Variants in HS2ST1 observed in about 807,000 individuals in gnomAD.
HS2ST1 encodes the protein heparan sulfate 2-O-sulfotransferase 1, also known as 2-O-sulfotransferase.
Under a neutral mutation model 42.9 loss-of-function variants are expected in HS2ST1, and 18 were observed. The observed-to-expected ratio is 0.42, with a 90% CI of 0.29 to 0.62. The LOEUF (loss-of-function observed/expected upper bound fraction) is 0.62. HS2ST1 is among the 20% of genes least tolerant of loss of function. HS2ST1 has a pLI of 0.21. For missense variants in HS2ST1, 334 were observed against 433.8 expected (o/e 0.77, Z 2.04); for synonymous variants, 146 against 152.9 (o/e 0.95, Z 0.33).
chr1:87,021,164 A>G (rs1160473580), intron 1 of HS2ST1, among the ~76,000 whole-genome samples: 1 of 152,164 alleles, frequency 6.6e-6, no homozygotes, highest in Non-Finnish European at 1.5e-5. Flanking sequence ...AAAAAAAATT[A>G]CCAGCAGGCC....
chr1:87,041,241 CA>C (rs1280615839), intron 1 of HS2ST1, among the ~76,000 whole-genome samples: 1 of 19,494 alleles, frequency 5.1e-5, no homozygotes, highest in African/African-American at 1.3e-4. Context: ...AAAAAAAAAA[CA>C]AAAAAAAAAA....
chr1:86,973,976 A>T (rs904602047), intron 1 of HS2ST1, among the ~76,000 whole-genome samples: 1 of 152,180 alleles, frequency 6.6e-6, no homozygotes, highest in Non-Finnish European at 1.5e-5. Context: ...TCCTACCCCC[A>T]GTTCCTGACA....
chr1:86,919,487 T>C (rs1217858969), intron 1 of HS2ST1, among the ~76,000 whole-genome samples: 1 of 152,258 alleles, frequency 6.6e-6, no homozygotes, highest in Non-Finnish European at 1.5e-5. Context: ...AGATTTATCA[T>C]GATTTTCTCA....
chr1:86,977,775 A>G (rs963500482), intron 1 of HS2ST1, among the ~76,000 whole-genome samples: 46 of 152,362 alleles, frequency 3.0e-4, no homozygotes, highest in African/African-American at 1.1e-3. Flanking sequence ...AGAAATGAGT[A>G]CATTAGCTGA....
intron 5 of HS2ST1, among the ~76,000 whole-genome samples, chr1:87,098,970 GT>G (rs574115996): frequency 6.6e-6 from 1 of 152,188 alleles, no homozygotes; most frequent in South Asian, 2.1e-4. Context: ...TAGAGATGGG[GT>G]TTCACCATGT....
intron 1 of HS2ST1, among the ~76,000 whole-genome samples, chr1:87,038,422 A>T (rs1244051916): frequency 1.3e-5 from 2 of 152,172 alleles, no homozygotes; most frequent in Non-Finnish European, 2.9e-5. Context: ...CAACAAGTAC[A>T]TTTAGGGTAC....
intron 4 of HS2ST1, among the ~76,000 whole-genome samples, chr1:87,093,254 T>C (rs1004125474): frequency 6.6e-6 from 1 of 152,124 alleles, no homozygotes; most frequent in Non-Finnish European, 1.5e-5. Flanking sequence ...GAGACACAAC[T>C]GGACACGATC....
In HS2ST1 at chr1:87,101,860, G is replaced by T. The variant is rs2100657146; in HGVS notation, c.687-1572G>T. Among the ~76,000 whole-genome samples, 5 of 152,216 alleles carry T rather than the reference G, an allele frequency of 3.3e-5. No individual in the cohort carries two copies. In the Middle Eastern group the frequency reaches 0.017, roughly 518 times the overall value. On this transcript the variant is annotated intron_variant, in intron 5 of 6. Coordinates refer to ENST00000370550, the MANE Select transcript of HS2ST1 (RefSeq NM_012262.4). ...TTACTGTGAAGGAATACCTGAGATG[G>T]TAATTTATAATGAAAAAAGGTTTAC...
At chr1:87,086,403 G>A (rs1456307842) in intron 3 of HS2ST1, among the ~76,000 whole-genome samples, 4 of 152,006 alleles carry the variant, frequency 2.6e-5, no homozygotes, top group Non-Finnish European at 5.9e-5. Flanking sequence ...GTTGTTCAAG[G>A]GTCAATTGTG....
intron 1 of HS2ST1, among the ~76,000 whole-genome samples, chr1:87,022,143 C>T (rs1171203881): frequency 6.6e-6 from 1 of 151,954 alleles, no homozygotes; most frequent in Non-Finnish European, 1.5e-5. Context: ...AAAAAACAGT[C>T]GGCTGGTATT....
chr1:86,996,442 CAAAAAAA>C (rs67401349), intron 1 of HS2ST1, among the ~76,000 whole-genome samples: 3 of 112,904 alleles, frequency 2.7e-5, no homozygotes, highest in Non-Finnish European at 3.6e-5. Flanking sequence ...AACTCTGTCT[CAAAAAAA>C]AAAAAAAAAA....
chr1:87,094,808 GT>G (rs1291249263), intron 4 of HS2ST1, among the ~76,000 whole-genome samples: 1 of 151,796 alleles, frequency 6.6e-6, no homozygotes, highest in Admixed American at 6.6e-5. Flanking sequence ...CTGGGGTTTT[GT>G]TTTTTTATTT....
At chr1:86,972,814 T>A (rs114409814) in intron 1 of HS2ST1, among the ~76,000 whole-genome samples, 43 of 152,360 alleles carry the variant, frequency 2.8e-4, no homozygotes, top group African/African-American at 1.0e-3. Flanking sequence ...CGTGTTTTTC[T>A]TCTAATGCCT....
intron 1 of HS2ST1, among the ~76,000 whole-genome samples, chr1:87,068,023 T>C (rs963743184): frequency 1.6e-4 from 24 of 152,194 alleles, no homozygotes; most frequent in Non-Finnish European, 3.2e-4. Context: ...TTGTTCTTTT[T>C]GTTTAGGATT....
chr1:86,991,103 T>C (rs1648939272), intron 1 of HS2ST1, among the ~76,000 whole-genome samples: 1 of 151,748 alleles, frequency 6.6e-6, no homozygotes, highest in East Asian at 1.9e-4. Context: ...CCACAGTCTC[T>C]GGTTGTTGTG....
At chr1:87,047,637 C>T (rs914864205) in intron 1 of HS2ST1, among the ~76,000 whole-genome samples, 11 of 152,106 alleles carry the variant, frequency 7.2e-5, no homozygotes, top group Non-Finnish European at 4.4e-5. Flanking sequence ...AATGGCTATC[C>T]AGTTGTTCCC....
At chr1:87,020,182 A>G (rs1649899115) in intron 1 of HS2ST1, among the ~76,000 whole-genome samples, 1 of 152,196 alleles carries the variant, frequency 6.6e-6, no homozygotes, top group Admixed American at 6.5e-5. Context: ...AAACCCCTTT[A>G]TCACAAGGAA....
At chr1:87,029,777 A>G (rs1390289285) in intron 1 of HS2ST1, among the ~76,000 whole-genome samples, 1 of 152,196 alleles carries the variant, frequency 6.6e-6, no homozygotes, top group African/African-American at 2.4e-5. Context: ...GGTAGGGAAA[A>G]TGACTAGAAA....
At chr1:87,046,352 A>G in intron 1 of HS2ST1, 1 of 752,892 alleles carries the variant, frequency 1.3e-6, no homozygotes, top group East Asian at 2.6e-5. Flanking sequence ...TCTTTTGGGC[A>G]AAGTACTTAA....
Sources: gnomAD v4.1 joint callset for allele counts (sites outside exome capture counted in the v4.1 genomes callset) on GRCh38, gnomAD v4.1.1 for gene constraint, MANE v1.5 for transcripts, NCBI Gene and HGNC (gene_info 2026-07-23, HGNC 2026-07-21) for gene names.